NTNG1: variants seen among roughly 807,000 people sequenced by gnomAD.
NTNG1 encodes netrin G1.
In NTNG1, 16 loss-of-function variants were observed where a neutral mutation model predicts 54.0. The observed-to-expected ratio is 0.30, with a 90% CI of 0.20 to 0.45. The LOEUF (loss-of-function observed/expected upper bound fraction) is 0.45. Ranked by LOEUF, NTNG1 falls within the 20% of genes least tolerant of loss-of-function variation. NTNG1 has a pLI of 1.00. For missense variants in NTNG1, 530 were observed against 678.7 expected, an observed-to-expected ratio of 0.78 and a Z score of 2.43; for synonymous variants, 255 against 263.1, an observed-to-expected ratio of 0.97 and a Z score of 0.30.
At chr1:107,384,051 C>T (rs1671806850) in intron 3 of NTNG1, among the ~76,000 whole-genome samples, 1 of 152,088 alleles carries the variant, frequency 6.6e-6, no homozygotes, top group Admixed American at 6.6e-5. Context: ...GTCTTTTATC[C>T]TTCAGCACTC....
chr1:107,254,571 G>T (rs1236222393), intron 2 of NTNG1, among the ~76,000 whole-genome samples: 1 of 152,236 alleles, frequency 6.6e-6, no homozygotes, highest in East Asian at 1.9e-4. Flanking sequence ...ACTTCATGGG[G>T]TTATGTGATG....
In NTNG1 at chr1:107,241,912, C is replaced by T. The variant is rs547213833; in HGVS notation, c.247-82370C>T. Among the ~76,000 whole-genome samples the T allele has an allele frequency of 4.6e-5, 7 of 152,298 alleles. No homozygotes were observed. In the South Asian group the frequency reaches 1.2e-3, roughly 27 times the overall value. On this transcript the variant is annotated intron_variant, in intron 2 of 7. Coordinates refer to ENST00000370068, the MANE Select transcript of NTNG1 (RefSeq NM_001113226.3). ...TTAAAAGAGTTGTGACCTCCTGCAT[C>T]ACCGTGCTCACAGACGTTTTAGTTA...
intron 3 of NTNG1, among the ~76,000 whole-genome samples, chr1:107,369,970 A>G (rs942916623): frequency 1.1e-4 from 16 of 152,172 alleles, no homozygotes; most frequent in African/African-American, 2.7e-4. Flanking sequence ...AACAGCATTT[A>G]TGGAAAAGAC....
At position 107,262,000 on chromosome 1, in the gene NTNG1, C is replaced by CT. The variant is rs35112008; in HGVS notation, c.247-62281dup. 1.4e-3 allele frequency among the ~76,000 whole-genome samples: 209 copies of CT among 152,292 alleles called. 2 individuals carry two copies. In the East Asian group the frequency reaches 0.035, roughly 26 times the overall value. ...AAAAATTACATTCTAGGAGTTTACTCTGATTGAGGAAAATAAGATACACCT... is the reference window on the plus strand; with the variant it reads ...AAAAATTACATTCTAGGAGTTTACTCTTGATTGAGGAAAATAAGATACACCT... On this transcript the variant is annotated intron_variant, in intron 2 of 7. Coordinates refer to ENST00000370068, the MANE Select transcript of NTNG1 (RefSeq NM_001113226.3).
intron 4 of NTNG1, among the ~76,000 whole-genome samples, chr1:107,397,734 C>CT (rs545551291): frequency 0.018 from 2,697 of 145,904 alleles, 82 homozygotes; most frequent in African/African-American, 0.06. Flanking sequence ...CTTATCAAAC[C>CT]TTTTTTTTTT....
At chr1:107,368,031 T>G (rs1166686579) in intron 3 of NTNG1, among the ~76,000 whole-genome samples, 1 of 152,152 alleles carries the variant, frequency 6.6e-6, no homozygotes, top group African/African-American at 2.4e-5. Context: ...GTGCTGGGAT[T>G]ACAGTCATGA....
At chr1:107,436,420 G>A (rs1675597776) in intron 6 of NTNG1, among the ~76,000 whole-genome samples, 1 of 152,170 alleles carries the variant, frequency 6.6e-6, no homozygotes, top group Non-Finnish European at 1.5e-5. Flanking sequence ...TCTGTTACCA[G>A]TGAAAAGCAT....
chr1:107,189,508 A>G (rs1657742261), intron 2 of NTNG1, among the ~76,000 whole-genome samples: 1 of 151,818 alleles, frequency 6.6e-6, no homozygotes, highest in East Asian at 1.9e-4. Context: ...AGCCCTGTCA[A>G]AGTACTGTTT....
chr1:107,226,515 G>A (rs1660699930), intron 2 of NTNG1, among the ~76,000 whole-genome samples: 1 of 152,126 alleles, frequency 6.6e-6, no homozygotes, highest in Non-Finnish European at 1.5e-5. Flanking sequence ...CAGACAAGGA[G>A]CTCAGCACCC....
At chr1:107,328,774 T>C (rs1668105838) in intron 3 of NTNG1, among the ~76,000 whole-genome samples, 1 of 152,124 alleles carries the variant, frequency 6.6e-6, no homozygotes, top group Non-Finnish European at 1.5e-5. Context: ...GTAAACAATT[T>C]CAAAGAAATA....
intron 7 of NTNG1, among the ~76,000 whole-genome samples, chr1:107,456,108 A>G (rs1413191781): frequency 1.3e-5 from 2 of 152,176 alleles, no homozygotes; most frequent in Non-Finnish European, 2.9e-5. Context: ...ACAGAAAACC[A>G]TTACATGCCA....
intron 2 of NTNG1, among the ~76,000 whole-genome samples, chr1:107,263,937 C>T (rs930194267): frequency 1.3e-5 from 2 of 152,112 alleles, no homozygotes; most frequent in Non-Finnish European, 2.9e-5. Flanking sequence ...AGTTTCCTAT[C>T]TTTAAAAAAA....
chr1:107,431,692 G>A (rs911913477), intron 6 of NTNG1, among the ~76,000 whole-genome samples: 1 of 151,988 alleles, frequency 6.6e-6, no homozygotes, highest in Non-Finnish European at 1.5e-5. Context: ...GAATATGGGG[G>A]TGCCAATGGA....
intron 2 of NTNG1, among the ~76,000 whole-genome samples, chr1:107,309,789 C>T (rs538004846): frequency 6.6e-6 from 1 of 152,138 alleles, no homozygotes; most frequent in African/African-American, 2.4e-5. Flanking sequence ...ATTAATCAAA[C>T]CCAACATTTC....
At chr1:107,274,939 G>A (rs1664367810) in intron 2 of NTNG1, among the ~76,000 whole-genome samples, 1 of 152,142 alleles carries the variant, frequency 6.6e-6, no homozygotes. Context: ...TGGAATAGAT[G>A]CTTTTCTGTG....
intron 2 of NTNG1, among the ~76,000 whole-genome samples, chr1:107,153,926 C>T (rs991471006): frequency 1.3e-5 from 2 of 152,166 alleles, no homozygotes; most frequent in Non-Finnish European, 2.9e-5. Context: ...AAACCTAAAA[C>T]CACCTCATGT....
At chr1:107,197,575 ACACT>A (rs2101250549) in intron 2 of NTNG1, among the ~76,000 whole-genome samples, 1 of 152,102 alleles carries the variant, frequency 6.6e-6, no homozygotes, top group Non-Finnish European at 1.5e-5. Flanking sequence ...TGATAAGGCG[ACACT>A]CAGAGAGTTC....
intron 3 of NTNG1, among the ~76,000 whole-genome samples, chr1:107,335,244 C>T (rs1346510651): frequency 6.6e-5 from 10 of 151,966 alleles, no homozygotes; most frequent in South Asian, 6.2e-4. Context: ...TTAGTAAAAT[C>T]GCAATATCAC....
chr1:107,254,800 G>A (rs1662825351), intron 2 of NTNG1, among the ~76,000 whole-genome samples: 1 of 152,144 alleles, frequency 6.6e-6, no homozygotes, highest in Admixed American at 6.5e-5. Flanking sequence ...AAAATACATT[G>A]CTTGCCCATG....
Sources: allele counts gnomAD v4.1 joint callset (sites outside exome capture counted in the v4.1 genomes callset), GRCh38; gene constraint gnomAD v4.1.1; transcripts MANE v1.5; gene names NCBI Gene and HGNC (gene_info 2026-07-23, HGNC 2026-07-21).